NPC1: variants seen among roughly 807,000 people sequenced by gnomAD.
NPC1 encodes NPC intracellular cholesterol transporter 1, also known as Niemann-Pick C1 protein.
In NPC1, 85 loss-of-function variants were observed where a neutral mutation model predicts 140.4. That is an observed-to-expected ratio of 0.61 (90% CI 0.51 to 0.72). The LOEUF (loss-of-function observed/expected upper bound fraction) is 0.72. Among genes scored for constraint, NPC1 ranks in the 30% least tolerant of loss-of-function variants. The pLI, the probability that NPC1 is intolerant of heterozygous loss-of-function variation, is 0.00. For synonymous variants in NPC1, 656 were observed against 624.8 expected (o/e 1.05, Z -0.74); for missense variants, 1,504 against 1,623.8 (o/e 0.93, Z 1.27).
At chr18:23,571,016 C>T (rs1197169354) in intron 3 of NPC1, among the ~76,000 whole-genome samples, 1 of 152,092 alleles carries the variant, frequency 6.6e-6, no homozygotes, top group Non-Finnish European at 1.5e-5. Flanking sequence ...CTGAGCAGGA[C>T]CCCTAGGAAC....
rs373751051 is a variant in NPC1, at chr18:23,556,403, C to A, written c.1166G>T (p.Arg389Leu). Residue 389 changes from arginine to leucine, a missense_variant, in exon 8 of 25, where the codon CGC (arginine) becomes CTC (leucine). Physicochemically the swap from Arg to Leu is moderately radical, Grantham distance 102 (BLOSUM62 -2). Transcript: ENST00000269228. ...CTGGTCAAAGTACTCTTTTTCCAGG[C>A]GAGCCTGGCTGCTGGGGGCTGACCA... is the stretch of plus-strand genomic sequence containing the variant. ...DLWSAPSSQARLEKEYFDQHF... is the reference protein window; with the variant it reads ...DLWSAPSSQALLEKEYFDQHF... 6.2e-7 allele frequency: 1 copy of A among 1,614,048 alleles called. No individual in the cohort carries two copies. Among genetic ancestry groups the A allele is most frequent in the Non-Finnish European group, 8.5e-7 (1 of 1,179,996 alleles).
chr18:23,545,196 G>A (rs772357375), intron 11 of NPC1, 47 bp from the exon 12 acceptor site: 1 of 1,369,160 alleles, frequency 7.3e-7, no homozygotes, highest in Middle Eastern at 2.0e-4. Context: ...CTAACTGACA[G>A]CTAAGTAAGA....
downstream of NPC1, among the ~76,000 whole-genome samples, chr18:23,517,592 A>G (rs985950163): frequency 6.6e-6 from 1 of 152,170 alleles, no homozygotes; most frequent in Non-Finnish European, 1.5e-5. Flanking sequence ...TTTTGCTTCT[A>G]AGTTACTTCT....
chr18:23,520,377 G>A, downstream of NPC1: 3 of 1,318,626 alleles, frequency 2.3e-6, no homozygotes, highest in South Asian at 1.2e-5. Flanking sequence ...TTCTCACCAT[G>A]ATCTTTGGGA....
intron 4 of NPC1, among the ~76,000 whole-genome samples, chr18:23,564,237 G>GC (rs1224853175): frequency 6.6e-6 from 1 of 152,090 alleles, no homozygotes; most frequent in African/African-American, 2.4e-5. Context: ...ACCCGCCTTG[G>GC]CCCCCCAAAG....
At position 23,538,604 on chromosome 18, in the gene NPC1, T is replaced by C; in HGVS notation, c.2979A>G (p.Gly993=). The change falls in exon 20 of 25, where the codon GGA becomes GGG. Residue 993 remains glycine, a synonymous_variant. Transcript: ENST00000269228. ...TPEGKQRPQG[G]DFMRFLPMFL... is the part of the protein sequence containing the mutation. ...ACATGGGCAGGAATCTCATGAAGTC[T>C]CCCCCCTGAGGCCTCTGTTTGCCTT... 1 of 1,613,848 alleles carries C rather than the reference T, an allele frequency of 6.2e-7. No individual in the cohort carries two copies. The highest frequency in any genetic ancestry group is 1.3e-5 in the African/African-American group (1 of 74,936).
chr18:23,537,171 C>G (rs1019794512), intron 20 of NPC1, among the ~76,000 whole-genome samples: 1 of 152,100 alleles, frequency 6.6e-6, no homozygotes, highest in East Asian at 1.9e-4. Context: ...CGGGTTCAAG[C>G]AATTCTCCCT....
intron 22 of NPC1, among the ~76,000 whole-genome samples, chr18:23,534,816 G>A (rs1034521494): frequency 6.6e-5 from 10 of 152,188 alleles, no homozygotes; most frequent in African/African-American, 1.9e-4. Context: ...GCTGGAACCC[G>A]TTAAGGTCAC....
At chr18:23,541,033 G>C in intron 16 of NPC1, 35 bp downstream of exon 16, 2 of 1,610,844 alleles carry the variant, frequency 1.2e-6, no homozygotes, top group South Asian at 1.1e-5. Context: ...CTGTTTCAGT[G>C]AGAGGAAAGA....
chr18:23,540,003 T>G lies in NPC1; in HGVS notation c.2605-2A>C. On this transcript the variant is annotated splice_acceptor_variant, in intron 17 of 24. Coordinates refer to ENST00000269228, the MANE Select transcript of NPC1 (RefSeq NM_000271.5). LOFTEE classifies it high-confidence loss of function. ...GAAATAATCCACCATGTAGGAGTCCTGAAAGAAAGATAAAAGAATAGGAGA... is the reference window on the plus strand; with the variant it reads ...GAAATAATCCACCATGTAGGAGTCCGGAAAGAAAGATAAAAGAATAGGAGA... 1 of 1,612,654 alleles carries G rather than the reference T, an allele frequency of 6.2e-7. No homozygotes were observed. The highest frequency in any genetic ancestry group is 8.5e-7 in the Non-Finnish European group (1 of 1,178,702).
At position 23,531,930 on chromosome 18, in the gene NPC1, G is replaced by C; in HGVS notation, c.*272C>G. Reference sequence around the variant, plus strand: ...AGCGGATCACATTCACAGCCATCTAGTGTCACCTCCTGCTTGCCAAAGAAT... The same window carrying C: ...AGCGGATCACATTCACAGCCATCTACTGTCACCTCCTGCTTGCCAAAGAAT... On this transcript the variant is annotated 3_prime_UTR_variant, in exon 25 of 25. Coordinates refer to ENST00000269228, the MANE Select transcript of NPC1 (RefSeq NM_000271.5). The C allele has an allele frequency of 6.9e-7, 1 of 1,444,468 alleles. No homozygotes were observed. Among genetic ancestry groups the C allele is most frequent in the Non-Finnish European group, 9.0e-7 (1 of 1,106,734 alleles). 89.5% of individuals were successfully genotyped at this position (1,444,468 alleles called of 1,614,324 possible). A position where few individuals can be genotyped will look rare whatever the true frequency, so the allele number is the denominator to read the frequency against.
chr18:23,541,164 A>G lies in NPC1; in HGVS notation c.2418T>C (p.Asp806=). 6.2e-7 allele frequency: 1 copy of G among 1,614,246 alleles called. No homozygotes were observed. Among genetic ancestry groups the G allele is most frequent in the Non-Finnish European group, 8.5e-7 (1 of 1,180,042 alleles). The change falls in exon 16 of 25, where the codon GAT becomes GAC. Residue 806 remains aspartate, a synonymous_variant. Coordinates refer to ENST00000269228, the MANE Select transcript of NPC1 (RefSeq NM_000271.5). ...TCTCTGAGGCCTGGACGCTTGTTCC[A>G]TCTTCAGCACCTCTGACACAGCAAA... is the stretch of plus-strand genomic sequence containing the variant. ...DIFCCVRGAE[D]GTSVQASESC... is the part of the protein sequence containing the mutation.
intron 1 of NPC1, among the ~76,000 whole-genome samples, chr18:23,575,085 T>C (rs928035578): frequency 6.6e-6 from 1 of 152,226 alleles, no homozygotes; most frequent in African/African-American, 2.4e-5. Flanking sequence ...TCTCCAGGGA[T>C]TGGCCTGTCT....
downstream of NPC1, chr18:23,524,562 C>T: frequency 7.0e-7 from 1 of 1,427,992 alleles, no homozygotes; most frequent in Non-Finnish European, 9.9e-7. Context: ...GGGACGTTTT[C>T]AAGGTGAATC....
At chr18:23,578,270 C>T (rs1157023016) in intron 1 of NPC1, among the ~76,000 whole-genome samples, 1 of 152,230 alleles carries the variant, frequency 6.6e-6, no homozygotes, top group Admixed American at 6.5e-5. Context: ...GATGCAGAAA[C>T]GAAGGCACTG....
chr18:23,568,228 CCATT>C (rs1246883667), intron 4 of NPC1, among the ~76,000 whole-genome samples: 14 of 152,298 alleles, frequency 9.2e-5, no homozygotes, highest in Middle Eastern at 3.4e-3. Context: ...TGACCTCTCT[CCATT>C]CAGTCAGGTT....
chr18:23,518,777 G>A (rs761217844), downstream of NPC1: 7 of 913,214 alleles, frequency 7.7e-6, no homozygotes, highest in Middle Eastern at 2.4e-4. Flanking sequence ...CTTGTTGGCA[G>A]CAAAATACTC....
chr18:23,524,073 C>A, intron 1 of NPC1: 2 of 1,551,100 alleles, frequency 1.3e-6, no homozygotes, highest in Non-Finnish European at 1.8e-6. Context: ...TCATAAGTAC[C>A]AGCATTTGCA....
At chr18:23,553,618 T>C (rs890465715) in intron 9 of NPC1, among the ~76,000 whole-genome samples, 12 of 152,202 alleles carry the variant, frequency 7.9e-5, no homozygotes, top group Non-Finnish European at 1.5e-4. Flanking sequence ...GTTCCCATGC[T>C]GAAGAAATAG....
Sources: allele counts gnomAD v4.1 joint callset (sites outside exome capture counted in the v4.1 genomes callset), GRCh38; gene constraint gnomAD v4.1.1; transcripts MANE v1.5; gene names NCBI Gene and HGNC (gene_info 2026-07-23, HGNC 2026-07-21).